Variants in DOCK1 observed in about 807,000 individuals in gnomAD.
The protein encoded by DOCK1 is dedicator of cytokinesis protein 1.
A neutral mutation model predicts 262.7 loss-of-function variants in DOCK1; 138 were observed. The observed-to-expected ratio is 0.53, with a 90% CI of 0.46 to 0.61. The LOEUF is 0.61. Ranked by LOEUF, DOCK1 falls within the 20% of genes least tolerant of loss-of-function variation. The pLI, the probability that DOCK1 is intolerant of heterozygous loss-of-function variation, is 0.00. For synonymous variants in DOCK1, 866 were observed against 867.4 expected (o/e 1.00, Z 0.03); for missense variants, 1,908 against 2,370.7 (o/e 0.80, Z 4.05).
At chr10:127,207,271 C>T (rs2057767764) in intron 27 of DOCK1, among the ~76,000 whole-genome samples, 1 of 152,192 alleles carries the variant, frequency 6.6e-6, no homozygotes, top group South Asian at 2.1e-4. Context: ...GCACTGTTAT[C>T]AGCACCATTG....
intron 23 of DOCK1, among the ~76,000 whole-genome samples, chr10:127,071,718 T>G (rs2046244460): frequency 6.6e-6 from 1 of 152,252 alleles, no homozygotes; most frequent in Non-Finnish European, 1.5e-5. Flanking sequence ...TGATTTTTCC[T>G]CAAATTAATT....
intron 29 of DOCK1, among the ~76,000 whole-genome samples, chr10:127,292,105 A>G (rs1023079654): frequency 6.6e-6 from 1 of 152,224 alleles, no homozygotes; most frequent in African/African-American, 2.4e-5. Context: ...TTAGCCTCTG[A>G]CAATATTTCT....
At chr10:126,951,491 A>T (rs2036238218) in intron 1 of DOCK1, among the ~76,000 whole-genome samples, 1 of 149,212 alleles carries the variant, frequency 6.7e-6, no homozygotes, top group African/African-American at 2.5e-5. Context: ...ATTGTTGGTG[A>T]TAGTGGTGAT....
At chr10:127,424,744 G>C (rs1196350537) in intron 46 of DOCK1, among the ~76,000 whole-genome samples, 1 of 152,202 alleles carries the variant, frequency 6.6e-6, no homozygotes, top group Non-Finnish European at 1.5e-5. Flanking sequence ...CAAGTATTTT[G>C]AAATCTCTCT....
chr10:127,425,374 C>CG (rs1284650082), intron 46 of DOCK1, among the ~76,000 whole-genome samples: 70 of 152,208 alleles, frequency 4.6e-4, no homozygotes, highest in African/African-American at 1.7e-3. Flanking sequence ...ACAGCAGTGT[C>CG]GCAGAGAAGC....
intron 27 of DOCK1, among the ~76,000 whole-genome samples, chr10:127,239,266 T>A (rs1327476006): frequency 6.6e-6 from 1 of 152,222 alleles, no homozygotes; most frequent in Middle Eastern, 3.2e-3. Context: ...ATACAACATA[T>A]GTATGTATTA....
intron 38 of DOCK1, among the ~76,000 whole-genome samples, chr10:127,385,246 C>T (rs545379843): frequency 4.6e-5 from 7 of 152,096 alleles, no homozygotes; most frequent in East Asian, 1.9e-4. Context: ...TCTGTTGGCA[C>T]GGAAGAATTA....
intron 21 of DOCK1, among the ~76,000 whole-genome samples, chr10:127,044,314 G>A (rs1053389392): frequency 2.6e-5 from 4 of 152,172 alleles, no homozygotes; most frequent in African/African-American, 9.7e-5. Context: ...TGCCTCGTGT[G>A]CGTGTTTACT....
chr10:126,947,207 C>T (rs2035489098), intron 1 of DOCK1, among the ~76,000 whole-genome samples: 2 of 150,942 alleles, frequency 1.3e-5, no homozygotes, highest in African/African-American at 2.5e-5. Flanking sequence ...TAAAGTTTAC[C>T]TCTGCCATGA....
At chr10:127,081,973 G>T (rs7084852) in intron 23 of DOCK1, among the ~76,000 whole-genome samples, 1 of 152,154 alleles carries the variant, frequency 6.6e-6, no homozygotes, top group African/African-American at 2.4e-5. Context: ...GGTTCTTCAC[G>T]CGAAAGCAGC....
intron 25 of DOCK1, among the ~76,000 whole-genome samples, chr10:127,118,899 ACTG>A (rs2049355276): frequency 6.6e-6 from 1 of 152,232 alleles, no homozygotes; most frequent in Non-Finnish European, 1.5e-5. Context: ...ATTCTCTGGT[ACTG>A]CTAACTTTCA....
chr10:127,300,636 A>G (rs1461677234), intron 29 of DOCK1, among the ~76,000 whole-genome samples: 1 of 152,186 alleles, frequency 6.6e-6, no homozygotes. Context: ...CTTCCCTTTC[A>G]GGCCTGAGAT....
At chr10:127,273,878 CA>C (rs5788832) in intron 29 of DOCK1, among the ~76,000 whole-genome samples, 30,898 of 136,738 alleles carry the variant, frequency 0.23, 3,021 homozygotes, top group East Asian at 0.35. Context: ...GAGACTGTCT[CA>C]AAAAAAAAAA....
chr10:127,312,665 C>T (rs2062106730), intron 29 of DOCK1, among the ~76,000 whole-genome samples: 1 of 152,120 alleles, frequency 6.6e-6, no homozygotes, highest in Non-Finnish European at 1.5e-5. Flanking sequence ...GTTGAGTGGG[C>T]TGCTGAGTTT....
rs758548443 is a variant in DOCK1 at position 127,374,122 on chromosome 10, G to A, written c.3583G>A (p.Val1195Ile). 13 of 1,613,516 alleles carry A rather than the reference G, an allele frequency of 8.1e-6. No individual in the cohort carries two copies. The highest frequency in any genetic ancestry group is 3.3e-5 in the Admixed American group (2 of 59,958). The change falls in exon 35 of 52, where the codon GTT (valine) becomes ATT (isoleucine). Residue 1195 changes from valine (V) to isoleucine (I), a missense_variant. This residue lies in a region of DOCK1 where 518 missense variants were observed against 575.1 expected (regional missense o/e 0.90). Coordinates refer to ENST00000623213, the MANE Select transcript of DOCK1 (RefSeq NM_001290223.2). ...AKTGETFVKL[V>I]VRLMERLLDY... ...AACAGGAGAAACTTTTGTAAAACTC[G>A]TTGTGCGCTTAATGGAAAGGCTTTT...
rs77403971 is a variant in DOCK1 at position 127,278,977 on chromosome 10, T to C, written c.3044+21548T>C. 3.2e-3 allele frequency among the ~76,000 whole-genome samples: 492 copies of C among 152,346 alleles called. 2 individuals are homozygous for C. The highest frequency in any genetic ancestry group is 0.01 in the African/African-American group (427 of 41,596). On this transcript the variant is annotated intron_variant, in intron 29 of 51. Coordinates refer to ENST00000623213, the MANE Select transcript of DOCK1 (RefSeq NM_001290223.2). Reference sequence around the variant, plus strand: ...CCCTAAGGTGCCTACCATGTCCCCATGAGAGACACACAGTGCCATGAACAG... The same window carrying C: ...CCCTAAGGTGCCTACCATGTCCCCACGAGAGACACACAGTGCCATGAACAG...
chr10:126,943,769 A>G (rs1450412624), intron 1 of DOCK1, among the ~76,000 whole-genome samples: 3 of 152,034 alleles, frequency 2.0e-5, no homozygotes, highest in Non-Finnish European at 4.4e-5. Flanking sequence ...AAGAGATTAG[A>G]TATGAGTTAA....
At chr10:127,307,071 T>C (rs11017218) in intron 29 of DOCK1, among the ~76,000 whole-genome samples, 8,956 of 152,250 alleles carry the variant, frequency 0.059, 303 homozygotes, top group South Asian at 0.12. Flanking sequence ...TACTTCTCAA[T>C]ATATTACTTT....
intron 25 of DOCK1, among the ~76,000 whole-genome samples, chr10:127,124,357 G>A (rs570973774): frequency 1.5e-4 from 23 of 152,322 alleles, no homozygotes; most frequent in Non-Finnish European, 2.5e-4. Context: ...TGTGCTCTGC[G>A]TTTAAAGGAA....
Sources: allele counts gnomAD v4.1 joint callset (sites outside exome capture counted in the v4.1 genomes callset), GRCh38; gene constraint gnomAD v4.1.1; regional missense constraint gnomAD v4.1.1; transcripts MANE v1.5; gene names NCBI Gene and HGNC (gene_info 2026-07-23, HGNC 2026-07-21).